Variants in ULK4 observed in about 807,000 individuals in gnomAD.
The protein encoded by ULK4 is inactive serine/threonine-protein kinase ULK4.
A neutral mutation model predicts 160.6 loss-of-function variants in ULK4; 133 were observed. The observed-to-expected ratio is 0.83, with a 90% CI of 0.72 to 0.96. The LOEUF (loss-of-function observed/expected upper bound fraction) is 0.96. ULK4 is among the 40% of genes least tolerant of loss of function. The pLI is 0.00. For missense variants in ULK4, 1,580 were observed against 1,499.5 expected (o/e 1.05, Z -0.89); for synonymous variants, 534 against 539.8 (o/e 0.99, Z 0.15).
chr3:41,682,260 AG>A (rs1262115125), intron 27 of ULK4, among the ~76,000 whole-genome samples: 1 of 152,240 alleles, frequency 6.6e-6, no homozygotes, highest in Non-Finnish European at 1.5e-5. Flanking sequence ...GGTTATTTTT[AG>A]AAATAGACCA....
At chr3:41,573,419 G>A (rs1018993420) in intron 31 of ULK4, among the ~76,000 whole-genome samples, 1 of 152,186 alleles carries the variant, frequency 6.6e-6, no homozygotes, top group African/African-American at 2.4e-5. Context: ...AAATGCCACT[G>A]AAAGACTTCA....
intron 17 of ULK4, among the ~76,000 whole-genome samples, chr3:41,864,346 CTGTTTTGTTTTGTTTTGTTTTGTTT>C (rs10535539): frequency 0.12 from 18,571 of 149,710 alleles, 1,312 homozygotes; most frequent in Middle Eastern, 0.27. Context: ...CAATTCAGAA[CTGTTTTGTTTTGTTTTGTTTTGTTT>C]TGTTTTGTTT....
intron 35 of ULK4, among the ~76,000 whole-genome samples, chr3:41,252,594 T>A (rs2078763172): frequency 7.5e-6 from 1 of 133,342 alleles, no homozygotes; most frequent in African/African-American, 2.9e-5. Context: ...TTATCCAATC[T>A]CAGCAGCAGA....
chr3:41,295,326 C>A lies in ULK4; in HGVS notation c.3679-45752G>T, dbSNP rs2079648813. On this transcript the variant is annotated intron_variant, in intron 35 of 36. Coordinates refer to ENST00000301831, the MANE Select transcript of ULK4 (RefSeq NM_017886.4). ...GGATCACAGACCTAAATGTAAAATG[C>A]AAGACTTACAGACCTCAATGTGAAA... Among the ~76,000 whole-genome samples the A allele has an allele frequency of 2.2e-5, 3 of 133,714 alleles. 1 individual carries two copies. The highest frequency in any genetic ancestry group is 5.1e-5 in the Non-Finnish European group (3 of 59,348). 87.7% of individuals were successfully genotyped at this position (133,714 alleles called of 152,430 possible).
chr3:41,827,874 G>A (rs1358157877), intron 18 of ULK4, among the ~76,000 whole-genome samples: 3 of 151,884 alleles, frequency 2.0e-5, no homozygotes, highest in Admixed American at 6.6e-5. Context: ...CAATATCCCC[G>A]ATGAACACTG....
At chr3:41,758,031 T>C (rs941089619) in intron 21 of ULK4, among the ~76,000 whole-genome samples, 2 of 152,202 alleles carry the variant, frequency 1.3e-5, no homozygotes, top group Admixed American at 6.5e-5. Flanking sequence ...TGGAGCCTTT[T>C]GGAGGTAATT....
intron 30 of ULK4, among the ~76,000 whole-genome samples, chr3:41,645,259 T>C (rs1008029754): frequency 4.6e-5 from 7 of 151,808 alleles, no homozygotes; most frequent in African/African-American, 7.3e-5. Flanking sequence ...TGCTCTTGCT[T>C]TTCTAGTTCT....
intron 17 of ULK4, among the ~76,000 whole-genome samples, chr3:41,862,039 T>G (rs866371155): frequency 6.6e-6 from 1 of 152,102 alleles, no homozygotes; most frequent in Non-Finnish European, 1.5e-5. Context: ...CTCAAACTCC[T>G]CAGCTCAAGC....
At chr3:41,479,945 C>T (rs1210112740) in intron 32 of ULK4, among the ~76,000 whole-genome samples, 3 of 152,046 alleles carry the variant, frequency 2.0e-5, no homozygotes, top group Non-Finnish European at 4.4e-5. Context: ...TGGTGGCTCA[C>T]GCCTGTAATC....
intron 34 of ULK4, among the ~76,000 whole-genome samples, chr3:41,435,272 C>T (rs1252786137): frequency 6.6e-6 from 1 of 152,210 alleles, no homozygotes; most frequent in East Asian, 1.9e-4. Flanking sequence ...ATGAATCTCA[C>T]ATCTCAAGTC....
intron 35 of ULK4, among the ~76,000 whole-genome samples, chr3:41,316,826 C>T (rs1388174830): frequency 6.6e-6 from 1 of 152,164 alleles, no homozygotes; most frequent in Non-Finnish European, 1.5e-5. Context: ...TTAGTTGGTT[C>T]ACCACCATAT....
intron 16 of ULK4, among the ~76,000 whole-genome samples, chr3:41,890,306 C>T (rs146954058): frequency 5.9e-5 from 9 of 152,214 alleles, no homozygotes; most frequent in African/African-American, 1.7e-4. Flanking sequence ...GACAAACTCC[C>T]ACACCCATCC....
chr3:41,613,048 A>G (rs1043917228), intron 31 of ULK4, among the ~76,000 whole-genome samples: 1 of 152,236 alleles, frequency 6.6e-6, no homozygotes, highest in Non-Finnish European at 1.5e-5. Flanking sequence ...GCCAGAAGGC[A>G]TAAGTAGCAG....
At chr3:41,825,647 T>C (rs1204067592) in intron 18 of ULK4, among the ~76,000 whole-genome samples, 4 of 152,124 alleles carry the variant, frequency 2.6e-5, no homozygotes, top group East Asian at 1.9e-4. Context: ...CTCCAAGAAA[T>C]ACGGGACTAT....
At chr3:41,793,368 T>C (rs1160960424) in intron 20 of ULK4, among the ~76,000 whole-genome samples, 3 of 152,230 alleles carry the variant, frequency 2.0e-5, no homozygotes, top group Non-Finnish European at 4.4e-5. Flanking sequence ...AATTGAAGGC[T>C]GCATATCTGT....
intron 30 of ULK4, among the ~76,000 whole-genome samples, chr3:41,642,085 G>A (rs1376739217): frequency 1.3e-5 from 2 of 149,732 alleles, no homozygotes; most frequent in Non-Finnish European, 2.9e-5. Flanking sequence ...TGTTGGTCAG[G>A]CTGGTCTCGA....
chr3:41,577,032 T>C (rs1419620427), intron 31 of ULK4, among the ~76,000 whole-genome samples: 2 of 152,250 alleles, frequency 1.3e-5, no homozygotes, highest in Non-Finnish European at 2.9e-5. Context: ...TGTGGGAGTG[T>C]GCAAATTTTT....
intron 21 of ULK4, among the ~76,000 whole-genome samples, chr3:41,773,636 G>A (rs1046972289): frequency 1.3e-5 from 2 of 152,070 alleles, no homozygotes; most frequent in Non-Finnish European, 2.9e-5. Context: ...CGTGAAAAGG[G>A]CCATACTGCC....
rs144492270 is a variant in ULK4, at chr3:41,546,765, C to CT, written c.3226+19259dup. 2.9e-3 allele frequency among the ~76,000 whole-genome samples: 251 copies of CT among 87,762 alleles called. 2 individuals are homozygous for CT. Among genetic ancestry groups the CT allele is most frequent in the African/African-American group, 8.8e-3 (233 of 26,414 alleles). 57.6% of individuals were successfully genotyped at this position (87,762 alleles called of 152,430 possible). On this transcript the variant is annotated intron_variant, in intron 32 of 36. Transcript: ENST00000301831. ...TAGATTCTACTTTCCTCCCTAGGCC[C>CT]TTAAAAAAAAAAAAAAAAAAAAAAA... is the stretch of plus-strand genomic sequence containing the variant.
Sources: gnomAD v4.1 joint callset for allele counts (sites outside exome capture counted in the v4.1 genomes callset) on GRCh38, gnomAD v4.1.1 for gene constraint, MANE v1.5 for transcripts, NCBI Gene and HGNC (gene_info 2026-07-23, HGNC 2026-07-21) for gene names.